Variants in HDLBP observed in about 807,000 individuals in gnomAD.
The protein encoded by HDLBP is high density lipoprotein binding protein.
Under a neutral mutation model 137.3 loss-of-function variants are expected in HDLBP, and 30 were observed. That is an observed-to-expected ratio of 0.22 (90% CI 0.16 to 0.30). The LOEUF is 0.30. Ranked by LOEUF, HDLBP falls within the 10% of genes least tolerant of loss-of-function variation. HDLBP has a pLI of 1.00. For missense variants in HDLBP, 1,119 were observed against 1,667.3 expected (o/e 0.67, Z 5.73); for synonymous variants, 606 against 596.0 (o/e 1.02, Z -0.24).
intron 9 of HDLBP, among the ~76,000 whole-genome samples, chr2:241,253,934 T>G (rs1408231925): frequency 6.6e-6 from 1 of 152,228 alleles, no homozygotes; most frequent in African/African-American, 2.4e-5. Flanking sequence ...GTTCCTGGTT[T>G]ATTATCCTCC....
intron 15 of HDLBP, 39 bp from the exon 16 acceptor site, chr2:241,246,922 C>G (rs1170391476): frequency 6.2e-7 from 1 of 1,612,582 alleles, no homozygotes; most frequent in South Asian, 1.1e-5. Context: ...CTGACTAGAG[C>G]TCTCCCAGAG....
intron 5 of HDLBP, among the ~76,000 whole-genome samples, chr2:241,261,914 C>T (rs1401031681): frequency 1.3e-5 from 2 of 152,228 alleles, no homozygotes; most frequent in African/African-American, 4.8e-5. Context: ...ATCCAGCTCC[C>T]ACAAGATCAA....
Position 241,228,029 on chromosome 2 carries a change from C to T in HDLBP, c.*1572G>A, listed in dbSNP as rs538775763. ...AAATGGGGACTTGCCGAGGCAGCTGCAACTAGACTTGGGCTAAGCCGTCTG... is the reference window on the plus strand; with the variant it reads ...AAATGGGGACTTGCCGAGGCAGCTGTAACTAGACTTGGGCTAAGCCGTCTG... On this transcript the variant is annotated 3_prime_UTR_variant, in exon 28 of 28. Coordinates refer to ENST00000310931, the MANE Select transcript of HDLBP (RefSeq NM_005336.6). 6.6e-6 allele frequency: 1 copy of T among 152,350 alleles called. No individual in the cohort carries two copies. The highest frequency in any genetic ancestry group is 1.9e-4 in the East Asian group (1 of 5,182). 9.4% of individuals were successfully genotyped at this position (152,350 alleles called of 1,614,324 possible).
chr2:241,298,052 A>G (rs1232673605), intron 1 of HDLBP, among the ~76,000 whole-genome samples: 4 of 73,022 alleles, frequency 5.5e-5, no homozygotes, highest in Admixed American at 1.8e-4. Flanking sequence ...TCTCAAAAAA[A>G]AAAAAAAAAA....
intron 20 of HDLBP, among the ~76,000 whole-genome samples, chr2:241,237,218 T>C (rs2070651057): frequency 6.6e-6 from 1 of 150,952 alleles, no homozygotes; most frequent in Non-Finnish European, 1.5e-5. Flanking sequence ...GGAGAGGCAG[T>C]GGGAAGGGGG....
intron 1 of HDLBP, among the ~76,000 whole-genome samples, chr2:241,274,608 T>C (rs2074324276): frequency 6.6e-6 from 1 of 152,206 alleles, no homozygotes; most frequent in South Asian, 2.1e-4. Flanking sequence ...ACAGGCACAG[T>C]ACCTAGTACA....
At chr2:241,273,497 C>T in intron 1 of HDLBP, 1 of 710,722 alleles carries the variant, frequency 1.4e-6, no homozygotes, top group Non-Finnish European at 1.7e-6. Flanking sequence ...GGAATCCCTA[C>T]TCTCGGGGTC....
At chr2:241,252,822 G>T in intron 11 of HDLBP, 135 bp downstream of exon 11, 1 of 592,012 alleles carries the variant, frequency 1.7e-6, no homozygotes, top group Non-Finnish European at 3.0e-6. Context: ...GCAGGAGGAT[G>T]TAAAGTCTGT....
rs762517514 is a variant in HDLBP at position 241,262,775 on chromosome 2, A to G, written c.386T>C (p.Val129Ala). ...CATGACAGCATCCAGCTTTCCTGAC[A>G]CCATGATGGAGAGGCCTTGGTCTTT... Reference protein sequence around the residue: ...LAKDQGLSIMVSGKLDAVMKA... With the variant: ...LAKDQGLSIMASGKLDAVMKA... The change falls in exon 5 of 28, where the codon GTG becomes GCG. Residue 129 changes from valine to alanine, a missense_variant. Coordinates refer to ENST00000310931, the MANE Select transcript of HDLBP (RefSeq NM_005336.6). 1.2e-6 allele frequency: 2 copies of G among 1,614,176 alleles called. No homozygotes were observed. Among genetic ancestry groups the G allele is most frequent in the Non-Finnish European group, 1.7e-6 (2 of 1,180,034 alleles).
intron 1 of HDLBP, among the ~76,000 whole-genome samples, chr2:241,279,540 G>C (rs1575012014): frequency 6.6e-6 from 1 of 152,138 alleles, no homozygotes; most frequent in Admixed American, 6.6e-5. Flanking sequence ...GAGAACAAGG[G>C]AGCAGCAGAG....
rs753730202 is a variant in HDLBP at position 241,266,812 on chromosome 2, C to T, written c.58G>A (p.Val20Ile). The T allele has an allele frequency of 8.1e-6, 13 of 1,611,820 alleles. No homozygotes were observed. The highest frequency in any genetic ancestry group is 1.3e-5 in the African/African-American group (1 of 75,008). ...ESFAEHRSGL[V>I]PQQIKVATLN... ...CTGTCACCTTTGATTTGTTGCGGAA[C>T]CAGCCCACTTCGGTGTTCAGCAAAA... Residue 20 changes from valine to isoleucine, a missense_variant, in exon 3 of 28, where the codon GTT becomes ATT. Val to Ile is a conservative substitution (Grantham distance 29). Around this residue, in one of 4 missense-constraint regions of HDLBP, gnomAD observed 59 missense variants for 92.4 expected, o/e 0.64. Transcript: ENST00000310931.
chr2:241,254,556 C>T (rs571250484), intron 9 of HDLBP, among the ~76,000 whole-genome samples: 2 of 151,330 alleles, frequency 1.3e-5, no homozygotes, highest in Non-Finnish European at 2.9e-5. Flanking sequence ...GCCATCTCGG[C>T]TCACTGCAAG....
intron 1 of HDLBP, among the ~76,000 whole-genome samples, chr2:241,275,450 A>G (rs897006712): frequency 6.6e-6 from 1 of 152,144 alleles, no homozygotes; most frequent in Non-Finnish European, 1.5e-5. Flanking sequence ...AAACTCTAAC[A>G]TATGTCTATA....
intron 1 of HDLBP, among the ~76,000 whole-genome samples, chr2:241,284,099 T>C (rs888601592): frequency 1.3e-5 from 2 of 152,146 alleles, no homozygotes; most frequent in African/African-American, 4.8e-5. Context: ...AGAGCTCTGA[T>C]GGAGATGTAC....
chr2:241,256,483 G>A, intron 6 of HDLBP, 84 bp from the exon 7 acceptor site: 1 of 1,486,636 alleles, frequency 6.7e-7, no homozygotes, highest in Admixed American at 1.8e-5. Flanking sequence ...TTGGAGTCAA[G>A]CCCTCCACCC....
chr2:241,264,501 C>G lies in HDLBP; in HGVS notation c.181G>C (p.Ala61Pro), dbSNP rs11891776. The G allele has an allele frequency of 4.3e-6, 7 of 1,613,464 alleles. No individual in the cohort carries two copies. The African/African-American group carries it at 9.3e-5, about 22-fold the overall frequency. The change falls in exon 4 of 28, where the codon GCT (alanine) becomes CCT (proline). Residue 61 changes from alanine (A) to proline (P), a missense_variant. Ala to Pro is a conservative substitution (Grantham distance 27). Around this residue, in one of 4 missense-constraint regions of HDLBP, gnomAD observed 59 missense variants for 92.4 expected, o/e 0.64. Transcript: ENST00000310931. ...AACLESAQEP[A>P]GAWGNKIRPI... ...CGGATCTTGTTCCCCCAGGCTCCAG[C>G]GGGTTCCTGGGCACTTTCCAGGCAA...
At position 241,238,473 on chromosome 2, in the gene HDLBP, C is replaced by A. The variant is rs921171536; in HGVS notation, c.2749+176G>T. The A allele has an allele frequency of 2.1e-6, 1 of 481,418 alleles. No individual in the cohort carries two copies. Among genetic ancestry groups the A allele is most frequent in the Non-Finnish European group, 3.6e-6 (1 of 275,586 alleles). 29.8% of individuals were successfully genotyped at this position (481,418 alleles called of 1,614,324 possible). On this transcript the variant is annotated intron_variant, in intron 20 of 27. Coordinates refer to ENST00000310931, the MANE Select transcript of HDLBP (RefSeq NM_005336.6). The surrounding 1 kb of genome is among the most constrained non-coding windows in gnomAD (Gnocchi z 4.9). The stretch of plus-strand genomic sequence containing the variant: ...ACCTGGTCACTCTGTCAGTAACTGA[C>A]GTGGTCCATCTTTTAAAGGCCAGGG...
chr2:241,234,830 C>T (rs1277037725), intron 23 of HDLBP, among the ~76,000 whole-genome samples: 1 of 152,226 alleles, frequency 6.6e-6, no homozygotes, highest in African/African-American at 2.4e-5. Flanking sequence ...GCAACCTTGA[C>T]CTTTCTTGTA....
At chr2:241,266,702 G>A in intron 3 of HDLBP, 92 bp downstream of exon 3, 6 of 870,618 alleles carry the variant, frequency 6.9e-6, no homozygotes, top group South Asian at 2.8e-5. Context: ...GGGCCAAAAG[G>A]TACTTCTAGA....
Sources: gnomAD v4.1 joint callset for allele counts (sites outside exome capture counted in the v4.1 genomes callset) on GRCh38, gnomAD v4.1.1 for gene constraint, gnomAD v4.1.1 regional missense constraint, Gnocchi (gnomAD v3.1) non-coding constraint, MANE v1.5 for transcripts, NCBI Gene and HGNC (gene_info 2026-07-23, HGNC 2026-07-21) for gene names.